The following PALM2AKAP2 variants were observed in gnomAD, a reference collection of about 807,000 sequenced individuals.
PALM2AKAP2 encodes PALM2 and AKAP2 fusion, also known as PALM2-AKAP2 fusion protein.
PALM2AKAP2 carries 37 observed loss-of-function variants against 71.5 expected under a neutral mutation model. That is an observed-to-expected ratio of 0.52 (90% CI 0.40 to 0.68). The LOEUF (loss-of-function observed/expected upper bound fraction) is 0.68. PALM2AKAP2 is among the 30% of genes least tolerant of loss of function. The pLI is 0.00. For synonymous variants in PALM2AKAP2, 468 were observed against 478.8 expected (o/e 0.98, Z 0.29); for missense variants, 1,224 against 1,191.8 (o/e 1.03, Z -0.40).
chr9:110,130,021 G>A (rs550758937), intron 1 of PALM2AKAP2, among the ~76,000 whole-genome samples: 22 of 152,224 alleles, frequency 1.4e-4, no homozygotes, highest in African/African-American at 5.3e-4. Context: ...AGTCTTTCCC[G>A]GGCCTTTTTT....
At chr9:109,707,134 G>T (rs1428541067) in intron 1 of PALM2AKAP2, among the ~76,000 whole-genome samples, 5 of 152,038 alleles carry the variant, frequency 3.3e-5, no homozygotes, top group African/African-American at 4.8e-5. Flanking sequence ...CTGACCTTGG[G>T]CTTTAATCTT....
At chr9:110,091,514 G>A (rs1202242795) in intron 1 of PALM2AKAP2, among the ~76,000 whole-genome samples, 9 of 144,334 alleles carry the variant, frequency 6.2e-5, no homozygotes. Flanking sequence ...CCAGGCTGGG[G>A]TGCAGTAGCA....
chr9:109,875,721 C>A (rs1393622649), intron 2 of PALM2AKAP2, among the ~76,000 whole-genome samples: 1 of 152,212 alleles, frequency 6.6e-6, no homozygotes, highest in Non-Finnish European at 1.5e-5. Flanking sequence ...GAATCTGCAT[C>A]TCCATGGGTG....
At chr9:109,988,443 C>T (rs1832417228) in intron 6 of PALM2AKAP2, among the ~76,000 whole-genome samples, 1 of 151,554 alleles carries the variant, frequency 6.6e-6, no homozygotes, top group South Asian at 2.1e-4. Flanking sequence ...CTAAATAAGC[C>T]AACATTCCAA....
intron 1 of PALM2AKAP2, among the ~76,000 whole-genome samples, chr9:109,860,832 C>T (rs1269987939): frequency 6.6e-6 from 1 of 152,150 alleles, no homozygotes; most frequent in East Asian, 1.9e-4. Context: ...TCTGATTCTT[C>T]ATTTCAAAAG....
chr9:109,913,648 C>T (rs558765049), intron 3 of PALM2AKAP2, among the ~76,000 whole-genome samples: 5 of 152,210 alleles, frequency 3.3e-5, no homozygotes, highest in African/African-American at 1.2e-4. Context: ...AAGAGCATTC[C>T]TTCAAATTCA....
intron 1 of PALM2AKAP2, among the ~76,000 whole-genome samples, chr9:109,762,131 A>T (rs1188385663): frequency 6.6e-6 from 1 of 151,820 alleles, no homozygotes; most frequent in Non-Finnish European, 1.5e-5. Context: ...CAGTGTGGCG[A>T]TTCCTCAAGG....
chr9:109,881,663 A>G (rs917850705), intron 3 of PALM2AKAP2, among the ~76,000 whole-genome samples: 1 of 152,168 alleles, frequency 6.6e-6, no homozygotes, highest in Non-Finnish European at 1.5e-5. Context: ...ATAACTGGCC[A>G]GGCTCACACA....
At chr9:109,675,301 T>C (rs530006002) in intron 1 of PALM2AKAP2, among the ~76,000 whole-genome samples, 17 of 146,244 alleles carry the variant, frequency 1.2e-4, no homozygotes, top group African/African-American at 4.5e-4. Flanking sequence ...GTTTTATTTG[T>C]AATATTTTCA....
exon 2 of PALM2AKAP2, chr9:110,138,225 T>C (rs778408995): frequency 2.5e-6 from 4 of 1,613,972 alleles, no homozygotes; most frequent in Admixed American, 3.3e-5. Flanking sequence ...CTGCCAGCTG[T>C]GCAGCCCAGT....
chr9:109,660,335 A>G (rs1364917127), intron 1 of PALM2AKAP2, among the ~76,000 whole-genome samples: 2 of 152,004 alleles, frequency 1.3e-5, no homozygotes, highest in Non-Finnish European at 2.9e-5. Flanking sequence ...TCCTAATGCT[A>G]TCCCTCCCCA....
At chr9:109,807,349 G>A (rs187999220) in intron 1 of PALM2AKAP2, among the ~76,000 whole-genome samples, 86 of 152,294 alleles carry the variant, frequency 5.6e-4, no homozygotes, top group Middle Eastern at 3.4e-3. Context: ...CAGTGTCTTA[G>A]CCTGTTAGTG....
At chr9:110,008,059 T>C (rs1486582608) in intron 6 of PALM2AKAP2, among the ~76,000 whole-genome samples, 1 of 152,188 alleles carries the variant, frequency 6.6e-6, no homozygotes, top group Non-Finnish European at 1.5e-5. Flanking sequence ...TAATTTTTCA[T>C]GGCCAGTTGT....
intron 1 of PALM2AKAP2, among the ~76,000 whole-genome samples, chr9:109,701,983 C>T (rs1328670888): frequency 3.9e-5 from 6 of 152,080 alleles, no homozygotes; most frequent in East Asian, 3.9e-4. Flanking sequence ...AAAAGACACA[C>T]GAAAAAATGC....
chr9:109,847,558 A>G (rs1006624224), intron 1 of PALM2AKAP2: 4 of 152,214 alleles, frequency 2.6e-5, no homozygotes, highest in Non-Finnish European at 4.4e-5. Context: ...TGGCGAACAC[A>G]GTGAAACCCC....
intron 6 of PALM2AKAP2, among the ~76,000 whole-genome samples, chr9:109,980,083 C>A (rs1301132526): frequency 6.6e-6 from 1 of 152,152 alleles, no homozygotes; most frequent in Admixed American, 6.5e-5. Context: ...CTCTGAGCTC[C>A]CTAAACCCTC....
exon 2 of PALM2AKAP2, chr9:110,136,613 G>A: frequency 6.2e-7 from 1 of 1,613,978 alleles, no homozygotes; most frequent in African/African-American, 1.3e-5. Context: ...TGACCCCATG[G>A]CAGAGGCAGA....
chr9:109,747,483 A>G (rs1197172642), intron 1 of PALM2AKAP2, among the ~76,000 whole-genome samples: 1 of 152,220 alleles, frequency 6.6e-6, no homozygotes, highest in African/African-American at 2.4e-5. Flanking sequence ...ATATATACTC[A>G]TAAGAAGAAC....
chr9:109,785,454 A>G (rs758574705), intron 1 of PALM2AKAP2, among the ~76,000 whole-genome samples: 3 of 152,198 alleles, frequency 2.0e-5, no homozygotes, highest in Non-Finnish European at 4.4e-5. Context: ...CTGACTCCCA[A>G]TTCTTGTATT....
Sources: allele counts gnomAD v4.1 joint callset (sites outside exome capture counted in the v4.1 genomes callset), GRCh38; gene constraint gnomAD v4.1.1; transcripts MANE v1.5; gene names NCBI Gene and HGNC (gene_info 2026-07-23, HGNC 2026-07-21).